The following NAPA variants were observed in gnomAD, a reference collection of about 807,000 sequenced individuals.
NAPA encodes NSF attachment protein alpha.
NAPA carries 18 observed loss-of-function variants against 48.0 expected under a neutral mutation model. The ratio of observed to expected loss-of-function variants is 0.38; its 90% CI spans 0.26 to 0.56. The LOEUF is 0.56. NAPA is among the 20% of genes least tolerant of loss of function. NAPA has a pLI of 0.77. For synonymous variants in NAPA, 152 were observed against 149.9 expected, an observed-to-expected ratio of 1.01 and a Z score of -0.10; for missense variants, 315 against 385.0, an observed-to-expected ratio of 0.82 and a Z score of 1.52.
chr19:47,494,653 G>A (rs1968368416), intron 4 of NAPA, among the ~76,000 whole-genome samples: 1 of 146,702 alleles, frequency 6.8e-6, no homozygotes, highest in Non-Finnish European at 1.5e-5. Flanking sequence ...CACGAGAATC[G>A]CTTGAACCTG....
At chr19:47,492,934 G>T (rs1350717773) in intron 7 of NAPA, 27 bp downstream of exon 7, 6 of 1,612,206 alleles carry the variant, frequency 3.7e-6, no homozygotes, top group Non-Finnish European at 5.1e-6. Flanking sequence ...GGGCAGGGTG[G>T]AAGCCGCCAT....
intron 1 of NAPA, among the ~76,000 whole-genome samples, chr19:47,504,146 C>G (rs1285236328): frequency 6.6e-6 from 1 of 151,676 alleles, no homozygotes; most frequent in African/African-American, 2.4e-5. Context: ...GTAATCCCAA[C>G]ACTTTGGGAG....
rs956494238 is a variant in NAPA, at chr19:47,496,980, A to G, written c.296-1384T>C. The G allele has an allele frequency of 5.8e-5, 21 of 359,330 alleles. No individual in the cohort carries two copies. In the East Asian group the frequency reaches 1.2e-3, roughly 20 times the overall value. 22.3% of individuals were successfully genotyped at this position (359,330 alleles called of 1,614,324 possible). ...ACAGACCGAGACTGTGGCAGCAGACAGTGGAAACGGTGGCAAAAAGGGGGC... is the reference window on the plus strand; with the variant it reads ...ACAGACCGAGACTGTGGCAGCAGACGGTGGAAACGGTGGCAAAAAGGGGGC... On this transcript the variant is annotated intron_variant, in intron 3 of 10. Coordinates refer to ENST00000263354, the MANE Select transcript of NAPA (RefSeq NM_003827.4).
chr19:47,486,569 A>G (rs1568460689), downstream of NAPA, among the ~76,000 whole-genome samples: 2 of 152,154 alleles, frequency 1.3e-5, no homozygotes, highest in African/African-American at 4.8e-5. Context: ...CCAAAGTGCT[A>G]CGATTACAGG....
rs1968339949 is a variant in NAPA, at chr19:47,493,592, C to T, written c.343-99G>A. The T allele has an allele frequency of 1.0e-6, 1 of 1,000,096 alleles. No homozygotes were observed. Among genetic ancestry groups the T allele is most frequent in the Non-Finnish European group, 1.6e-6 (1 of 634,032 alleles). The allele number at this position is 1,000,096 out of a possible 1,614,324, so 62.0% of individuals were successfully genotyped here. A position where few individuals can be genotyped will look rare whatever the true frequency, so the allele number is the denominator to read the frequency against. On this transcript the variant is annotated intron_variant, in intron 4 of 10. Transcript: ENST00000263354. This position sits in a 1 kb window ranked among gnomAD's most constrained non-coding sequence, Gnocchi z 6.4. The stretch of plus-strand genomic sequence containing the variant: ...TCAAGTTCCCACCCCTCAGCCACGC[C>T]TGTGAGGAGGTATGAAGAAGACCTG...
intron 1 of NAPA, among the ~76,000 whole-genome samples, chr19:47,512,209 G>GT (rs904711716): frequency 6.6e-6 from 1 of 152,106 alleles, no homozygotes; most frequent in Non-Finnish European, 1.5e-5. Context: ...CTGGATCTCA[G>GT]TTCCCTGTCT....
downstream of NAPA, among the ~76,000 whole-genome samples, chr19:47,486,941 A>G (rs537164184): frequency 8.5e-5 from 13 of 152,202 alleles, no homozygotes; most frequent in East Asian, 2.5e-3. Context: ...GCCCCTGCTC[A>G]CTTCCTGACA....
chr19:47,495,817 G>A lies in NAPA; in HGVS notation c.296-221C>T, dbSNP rs575870860. ...TGAGAGGGCTGACTCTGCAGACTGT[G>A]ACTTGCTGGGCACATGCTTCTGGGG... On this transcript the variant is annotated intron_variant, in intron 3 of 10. Coordinates refer to ENST00000263354, the MANE Select transcript of NAPA (RefSeq NM_003827.4). 20 of 571,754 alleles carry A rather than the reference G, an allele frequency of 3.5e-5. No individual in the cohort carries two copies. The East Asian group carries it at 6.0e-4, about 17-fold the overall frequency. The allele number at this position is 571,754 out of a possible 1,614,324, so 35.4% of individuals were successfully genotyped here.
chr19:47,491,618 G>T (rs1345236687), intron 8 of NAPA: 3 of 172,118 alleles, frequency 1.7e-5, no homozygotes, highest in African/African-American at 4.7e-5. Flanking sequence ...ACGACAGCAG[G>T]AGTCACAAAG....
chr19:47,486,424 C>T (rs114627548), downstream of NAPA, among the ~76,000 whole-genome samples: 268 of 152,156 alleles, frequency 1.8e-3, 3 homozygotes, highest in African/African-American at 6.1e-3. Context: ...TATCAGAGTG[C>T]GGCCCCAGTC....
intron 10 of NAPA, chr19:47,489,378 G>A: frequency 3.0e-6 from 1 of 331,672 alleles, no homozygotes; most frequent in Non-Finnish European, 5.7e-6. Context: ...CGCCCACTGT[G>A]AGTCTCACAC....
At chr19:47,491,081 G>A in intron 8 of NAPA, 1 of 477,734 alleles carries the variant, frequency 2.1e-6, no homozygotes, top group South Asian at 2.5e-5. Flanking sequence ...GGTGGGTGGA[G>A]GGGGAAGGTT....
rs955229003 is a variant in NAPA, at chr19:47,506,394, G to A, written c.99-2892C>T. Reference sequence around the variant, plus strand: ...ATCCTGAAGGGTCCTTTGGGGCCTGGCTGCAAAAAACCCTCAGAAGGACCT... The same window carrying A: ...ATCCTGAAGGGTCCTTTGGGGCCTGACTGCAAAAAACCCTCAGAAGGACCT... On this transcript the variant is annotated intron_variant, in intron 1 of 10. Transcript: ENST00000263354. The surrounding 1 kb of genome is among the most constrained non-coding windows in gnomAD (Gnocchi z 4.0). 5.9e-5 allele frequency among the ~76,000 whole-genome samples: 9 copies of A among 152,098 alleles called. No homozygotes were observed. Among genetic ancestry groups the A allele is most frequent in the Admixed American group, 1.3e-4 (2 of 15,268 alleles).
chr19:47,503,552 G>A (rs1968630062), intron 1 of NAPA, 50 bp from the exon 2 acceptor site: 2 of 1,560,204 alleles, frequency 1.3e-6, no homozygotes, highest in South Asian at 1.1e-5. Flanking sequence ...GGCTATCCAG[G>A]AGAAAGCAAG....
chr19:47,507,534 CTA>C (rs1968716682), intron 1 of NAPA, among the ~76,000 whole-genome samples: 1 of 152,192 alleles, frequency 6.6e-6, no homozygotes, highest in South Asian at 2.1e-4. Flanking sequence ...TGGACTCACT[CTA>C]TCTCTCTTGC....
intron 4 of NAPA, 52 bp downstream of exon 4, chr19:47,495,498 T>C (rs1968397468): frequency 6.4e-7 from 1 of 1,570,402 alleles, no homozygotes; most frequent in South Asian, 1.1e-5. Flanking sequence ...GACGCAAGGC[T>C]GGGGCAATGC....
At chr19:47,507,950 G>C (rs1968725651) in intron 1 of NAPA, among the ~76,000 whole-genome samples, 1 of 152,126 alleles carries the variant, frequency 6.6e-6, no homozygotes, top group Non-Finnish European at 1.5e-5. Flanking sequence ...CAGTGATCAG[G>C]AAGGCTTCCT....
intron 1 of NAPA, chr19:47,505,400 A>C (rs998345726): frequency 2.0e-5 from 3 of 152,156 alleles, no homozygotes; most frequent in African/African-American, 7.2e-5. Flanking sequence ...GGGAGCTGGG[A>C]TGTGAGCATT....
intron 3 of NAPA, chr19:47,496,021 C>T (rs981633735): frequency 2.8e-5 from 5 of 181,538 alleles, no homozygotes; most frequent in Admixed American, 1.7e-4. Flanking sequence ...GCATGGGAGG[C>T]GGCCAAACCA....
Sources: allele counts gnomAD v4.1 joint callset (sites outside exome capture counted in the v4.1 genomes callset), GRCh38; gene constraint gnomAD v4.1.1; non-coding constraint Gnocchi (gnomAD v3.1); transcripts MANE v1.5; gene names NCBI Gene and HGNC (gene_info 2026-07-23, HGNC 2026-07-21).